The following KIAA0232 variants were observed in gnomAD, a reference collection of about 807,000 sequenced individuals.
KIAA0232 encodes KIAA0232.
KIAA0232 carries 27 observed loss-of-function variants against 122.0 expected under a neutral mutation model. The observed-to-expected ratio is 0.22, with a 90% CI of 0.16 to 0.31. KIAA0232 has a LOEUF of 0.31. Among genes scored for constraint, KIAA0232 ranks in the 10% least tolerant of loss-of-function variants. The pLI is 1.00. For missense variants in KIAA0232, 1,551 were observed against 1,634.2 expected (o/e 0.95, Z 0.88); for synonymous variants, 613 against 587.6 (o/e 1.04, Z -0.63).
intron 4 of KIAA0232, among the ~76,000 whole-genome samples, chr4:6,846,943 C>G (rs1000331231): frequency 4.6e-5 from 7 of 152,138 alleles, no homozygotes; most frequent in African/African-American, 1.7e-4. Flanking sequence ...CAAATGCCCT[C>G]TTAAAAGTGC....
intron 8 of KIAA0232, among the ~76,000 whole-genome samples, chr4:6,875,553 C>T (rs1721705993): frequency 6.6e-6 from 1 of 152,166 alleles, no homozygotes; most frequent in Non-Finnish European, 1.5e-5. Flanking sequence ...ACCCTTGGCA[C>T]AGCCTCGCTA....
intron 2 of KIAA0232, among the ~76,000 whole-genome samples, chr4:6,809,131 G>T (rs1161819017): frequency 1.3e-5 from 2 of 152,306 alleles, no homozygotes; most frequent in Non-Finnish European, 2.9e-5. Flanking sequence ...TAGTGTTTCA[G>T]CCGTGTCTGT....
chr4:6,837,027 G>T (rs947508973), intron 3 of KIAA0232, among the ~76,000 whole-genome samples: 71 of 152,092 alleles, frequency 4.7e-4, no homozygotes, highest in Admixed American at 9.8e-4. Flanking sequence ...AACCGCCATC[G>T]TCATCATGGC....
chr4:6,808,053 G>GT, intron 2 of KIAA0232, among the ~76,000 whole-genome samples: 1 of 152,292 alleles, frequency 6.6e-6, no homozygotes, highest in South Asian at 2.1e-4. Context: ...GGGCAACAGA[G>GT]TGAGACTATG....
At chr4:6,818,706 C>G (rs1475030159) in intron 2 of KIAA0232, among the ~76,000 whole-genome samples, 1 of 149,270 alleles carries the variant, frequency 6.7e-6, no homozygotes, top group East Asian at 1.9e-4. Flanking sequence ...TTTCACAGAA[C>G]TGGAAAAAAA....
At chr4:6,812,834 A>G (rs926208355) in intron 2 of KIAA0232, among the ~76,000 whole-genome samples, 1 of 152,102 alleles carries the variant, frequency 6.6e-6, no homozygotes, top group Non-Finnish European at 1.5e-5. Context: ...TGCTGTAACA[A>G]AAGTAAATTG....
intron 6 of KIAA0232, among the ~76,000 whole-genome samples, chr4:6,859,889 C>A (rs1720765172): frequency 6.6e-6 from 1 of 152,176 alleles, no homozygotes; most frequent in African/African-American, 2.4e-5. Context: ...TTTTCAAGCC[C>A]CCTGAAACCA....
At chr4:6,848,784 G>A (rs1720112465) in intron 4 of KIAA0232, among the ~76,000 whole-genome samples, 1 of 152,208 alleles carries the variant, frequency 6.6e-6, no homozygotes. Flanking sequence ...TAAGGTGCCT[G>A]TCTGAATACA....
chr4:6,793,145 A>G (rs1716981147), intron 1 of KIAA0232, among the ~76,000 whole-genome samples: 1 of 152,138 alleles, frequency 6.6e-6, no homozygotes, highest in East Asian at 1.9e-4. Flanking sequence ...TACCATTAAC[A>G]TTACCTAATG....
In KIAA0232 at chr4:6,862,262, T is replaced by A. The variant is rs1404965115; in HGVS notation, c.1880T>A (p.Leu627Gln). The A allele has an allele frequency of 1.9e-6, 3 of 1,614,098 alleles. No homozygotes were observed. Among genetic ancestry groups the A allele is most frequent in the Non-Finnish European group, 2.5e-6 (3 of 1,180,040 alleles). The change falls in exon 7 of 10, where the codon CTG (leucine) becomes CAG (glutamine). Residue 627 changes from leucine (L) to glutamine (Q), a missense_variant. Leu to Gln is a moderately radical substitution (Grantham distance 113). This residue lies in a region of KIAA0232 where 1,108 missense variants were observed against 1,154.8 expected (regional missense o/e 0.96). Coordinates refer to ENST00000307659, the MANE Select transcript of KIAA0232 (RefSeq NM_014743.3). ...GACAGCACAGTGCTCAATTCACACC[T>A]GCTTGCTGGCAATCAAGAGCTCTTT... ...ILDSTVLNSH[L>Q]LAGNQELFSD...
chr4:6,837,598 C>T (rs1360587202), intron 3 of KIAA0232, among the ~76,000 whole-genome samples: 6 of 152,206 alleles, frequency 3.9e-5, no homozygotes, highest in Non-Finnish European at 8.8e-5. Flanking sequence ...GCCGAGATCA[C>T]GCCACTGCAT....
intron 4 of KIAA0232, among the ~76,000 whole-genome samples, chr4:6,844,404 G>T (rs557265150): frequency 1.3e-5 from 2 of 151,800 alleles, no homozygotes; most frequent in Non-Finnish European, 2.9e-5. Context: ...CCCCACCTCT[G>T]ATTTTTTAAC....
At chr4:6,818,736 C>T (rs913671277) in intron 2 of KIAA0232, among the ~76,000 whole-genome samples, 8 of 151,538 alleles carry the variant, frequency 5.3e-5, no homozygotes, top group African/African-American at 1.7e-4. Context: ...TTACAAAATT[C>T]GTGTGGAACC....
intron 3 of KIAA0232, among the ~76,000 whole-genome samples, chr4:6,837,874 G>A (rs1719411373): frequency 6.6e-6 from 1 of 152,000 alleles, no homozygotes. Flanking sequence ...GCACAGTCCA[G>A]CCTTGGCTGG....
chr4:6,862,445 T>G lies in KIAA0232; in HGVS notation c.2063T>G (p.Leu688Trp). 2 of 1,614,188 alleles carry G rather than the reference T, an allele frequency of 1.2e-6. No individual in the cohort carries two copies. Among genetic ancestry groups the G allele is most frequent in the Non-Finnish European group, 1.7e-6 (2 of 1,180,036 alleles). The change falls in exon 7 of 10, where the codon TTG becomes TGG. Residue 688 changes from leucine (L) to tryptophan (W), a missense_variant. Physicochemically the swap from Leu to Trp is moderately conservative, Grantham distance 61. Coordinates refer to ENST00000307659, the MANE Select transcript of KIAA0232 (RefSeq NM_014743.3). ...ANMLGKTQSR[L>W]LIWTKNSAFE... ...ATGCTTGGGAAAACACAGTCTAGAT[T>G]GCTAATATGGACCAAAAATAGTGCC...
At chr4:6,849,816 G>GAA (rs1450746989) in intron 4 of KIAA0232, among the ~76,000 whole-genome samples, 1 of 152,054 alleles carries the variant, frequency 6.6e-6, no homozygotes, top group African/African-American at 2.4e-5. Flanking sequence ...GGAACCTAAG[G>GAA]AAGGAACATC....
Position 6,861,670 on chromosome 4 carries a change from A to G in KIAA0232, c.1288A>G (p.Thr430Ala). ...LETTYRNRQD[T>A]SDLTSEAVEE... is the part of the protein sequence containing the mutation. ...GACCACATACCGAAACAGACAGGAT[A>G]CAAGTGATCTGACATCAGAGGCAGT... The change falls in exon 7 of 10, where the codon ACA (threonine) becomes GCA (alanine). Residue 430 changes from threonine (T) to alanine (A), a missense_variant. Thr to Ala is a moderately conservative substitution (Grantham distance 58). Around this residue, in one of 5 missense-constraint regions of KIAA0232, gnomAD observed 1,108 missense variants for 1,154.8 expected, o/e 0.96. Transcript: ENST00000307659. 1.2e-6 allele frequency: 2 copies of G among 1,614,166 alleles called. No homozygotes were observed. Among genetic ancestry groups the G allele is most frequent in the Non-Finnish European group, 1.7e-6 (2 of 1,180,028 alleles).
At chr4:6,840,745 C>A (rs1437982757) in intron 3 of KIAA0232, among the ~76,000 whole-genome samples, 4 of 148,764 alleles carry the variant, frequency 2.7e-5, no homozygotes, top group Non-Finnish European at 5.9e-5. Context: ...TTGAGACACT[C>A]CTAACCTCGT....
intron 2 of KIAA0232, among the ~76,000 whole-genome samples, chr4:6,809,854 C>G (rs779235260): frequency 1.1e-4 from 17 of 151,856 alleles, no homozygotes; most frequent in Non-Finnish European, 2.2e-4. Context: ...AAACAAGGTA[C>G]CTAGGAATAC....
Sources: allele counts gnomAD v4.1 joint callset (sites outside exome capture counted in the v4.1 genomes callset), GRCh38; gene constraint gnomAD v4.1.1; regional missense constraint gnomAD v4.1.1; transcripts MANE v1.5; gene names NCBI Gene and HGNC (gene_info 2026-07-23, HGNC 2026-07-21).